Variants in PDSS2 observed in about 807,000 individuals in gnomAD.
PDSS2 encodes all trans-polyprenyl-diphosphate synthase PDSS2.
PDSS2 carries 31 observed loss-of-function variants against 44.5 expected under a neutral mutation model. That is an observed-to-expected ratio of 0.70 (90% CI 0.52 to 0.94). The LOEUF (loss-of-function observed/expected upper bound fraction) is 0.94, where lower values mean the gene tolerates loss of function less well. Ranked by LOEUF, PDSS2 falls within the 40% of genes least tolerant of loss-of-function variation. The probability of loss-of-function intolerance (pLI) is 0.00; values close to 1 mark genes in which losing one functional copy is unlikely to be tolerated. For synonymous variants in PDSS2, 157 were observed against 180.3 expected, an observed-to-expected ratio of 0.87 and a Z score of 1.03; for missense variants, 452 against 482.2, an observed-to-expected ratio of 0.94 and a Z score of 0.59.
intron 1 of PDSS2, among the ~76,000 whole-genome samples, chr6:107,338,404 A>G (rs1283309657): frequency 6.6e-6 from 1 of 152,228 alleles, no homozygotes; most frequent in African/African-American, 2.4e-5. Flanking sequence ...AAACGTATTC[A>G]GCCAAGAGTG....
At chr6:107,429,901 A>ATAT (rs1554280467) in intron 1 of PDSS2, among the ~76,000 whole-genome samples, 3 of 31,836 alleles carry the variant, frequency 9.4e-5, no homozygotes, top group Admixed American at 1.2e-3. Context: ...AAAAAAAAAA[A>ATAT]ATATATATAT....
chr6:107,337,406 A>T (rs1777939508), intron 1 of PDSS2, among the ~76,000 whole-genome samples: 1 of 152,182 alleles, frequency 6.6e-6, no homozygotes, highest in African/African-American at 2.4e-5. Context: ...GTACAAAACC[A>T]TTTGCTACAT....
intron 1 of PDSS2, among the ~76,000 whole-genome samples, chr6:107,433,259 G>GAAA (rs35444996): frequency 9.6e-5 from 14 of 146,330 alleles, no homozygotes; most frequent in Admixed American, 4.1e-4. Context: ...CACAGAAACA[G>GAAA]AAAAAAAAAA....
intron 1 of PDSS2, among the ~76,000 whole-genome samples, chr6:107,367,775 C>A (rs1262983091): frequency 7.2e-6 from 1 of 138,310 alleles, no homozygotes; most frequent in Non-Finnish European, 1.5e-5. Context: ...TGCACTCCAG[C>A]CTGGGCAATA....
intron 1 of PDSS2, among the ~76,000 whole-genome samples, chr6:107,376,742 C>T (rs1562498071): frequency 6.6e-6 from 1 of 151,940 alleles, no homozygotes; most frequent in Non-Finnish European, 1.5e-5. Context: ...TAATTGAATA[C>T]CCTTTATTTC....
chr6:107,371,428 T>C (rs1352167891), intron 1 of PDSS2, among the ~76,000 whole-genome samples: 1 of 152,158 alleles, frequency 6.6e-6, no homozygotes, highest in Admixed American at 6.5e-5. Context: ...CTAAACTGAA[T>C]ACAGCAAGAG....
intron 4 of PDSS2, among the ~76,000 whole-genome samples, chr6:107,213,102 C>A (rs116887483): frequency 6.6e-6 from 1 of 151,908 alleles, no homozygotes; most frequent in African/African-American, 2.4e-5. Context: ...CTTGACCTCC[C>A]GGGCTCAAGC....
At chr6:107,327,974 G>A (rs889260303) in intron 2 of PDSS2, among the ~76,000 whole-genome samples, 7 of 152,160 alleles carry the variant, frequency 4.6e-5, no homozygotes, top group African/African-American at 7.2e-5. Context: ...TGTTTCAAAT[G>A]TTTGCGTCAG....
chr6:107,336,026 T>TG (rs1777879248), intron 1 of PDSS2, among the ~76,000 whole-genome samples: 2 of 12,888 alleles, frequency 1.6e-4, no homozygotes, highest in African/African-American at 5.3e-4. Flanking sequence ...GGGTGGGGGG[T>TG]GGGGCATCAC....
At chr6:107,277,516 C>A (rs1307419518) in intron 2 of PDSS2, among the ~76,000 whole-genome samples, 1 of 151,920 alleles carries the variant, frequency 6.6e-6, no homozygotes, top group African/African-American at 2.4e-5. Flanking sequence ...GAAGAAGATT[C>A]CAAAGGTGAT....
intron 7 of PDSS2, among the ~76,000 whole-genome samples, chr6:107,160,085 G>C (rs1044985397): frequency 6.6e-6 from 1 of 152,048 alleles, no homozygotes; most frequent in Non-Finnish European, 1.5e-5. Flanking sequence ...GCATGGTGCC[G>C]TGCACCTGTA....
chr6:107,286,202 A>T (rs1434198131), intron 2 of PDSS2, among the ~76,000 whole-genome samples: 1 of 151,772 alleles, frequency 6.6e-6, no homozygotes, highest in Non-Finnish European at 1.5e-5. Context: ...TAAACAAAAA[A>T]GTTTAATACT....
intron 1 of PDSS2, among the ~76,000 whole-genome samples, chr6:107,402,511 C>CGTATACATATATAT (rs374068161): frequency 9.0e-6 from 1 of 110,814 alleles, no homozygotes; most frequent in African/African-American, 3.2e-5. Flanking sequence ...CATATATATA[C>CGTATACATATATAT]ACACACATAT....
At chr6:107,292,176 G>A in intron 2 of PDSS2, among the ~76,000 whole-genome samples, 1 of 146,338 alleles carries the variant, frequency 6.8e-6, no homozygotes, top group African/African-American at 2.5e-5. Context: ...GTCCAAAAGT[G>A]AAGAAAAACA....
intron 2 of PDSS2, among the ~76,000 whole-genome samples, chr6:107,290,936 G>C (rs1324069552): frequency 6.6e-6 from 1 of 151,702 alleles, no homozygotes; most frequent in African/African-American, 2.4e-5. Context: ...ATCAGGGTGG[G>C]AGCAGACGGA....
chr6:107,443,301 T>C (rs1472097377), intron 1 of PDSS2, among the ~76,000 whole-genome samples: 1 of 152,216 alleles, frequency 6.6e-6, no homozygotes, highest in Non-Finnish European at 1.5e-5. Flanking sequence ...TTAACCTTTA[T>C]GATCTCCACT....
chr6:107,233,800 G>A (rs182144509), intron 4 of PDSS2, among the ~76,000 whole-genome samples: 37 of 151,986 alleles, frequency 2.4e-4, no homozygotes, highest in Admixed American at 2.2e-3. Flanking sequence ...GTGACAGAGT[G>A]AGACCCTGTC....
chr6:107,401,461 G>A (rs1053286730), intron 1 of PDSS2, among the ~76,000 whole-genome samples: 3 of 151,998 alleles, frequency 2.0e-5, no homozygotes, highest in East Asian at 1.9e-4. Context: ...AAAAAGAAGC[G>A]ACTGTTACCC....
intron 3 of PDSS2, among the ~76,000 whole-genome samples, chr6:107,256,787 G>A (rs1361862731): frequency 6.6e-6 from 1 of 152,088 alleles, no homozygotes; most frequent in African/African-American, 2.4e-5. Context: ...CCAGCACTTG[G>A]GAGGCTGAGG....
Sources: allele counts gnomAD v4.1 joint callset (sites outside exome capture counted in the v4.1 genomes callset), GRCh38; gene constraint gnomAD v4.1.1; transcripts MANE v1.5; gene names NCBI Gene and HGNC (gene_info 2026-07-23, HGNC 2026-07-21).